The following NFIL3 variants were observed in gnomAD, a reference collection of about 807,000 sequenced individuals.
The protein encoded by NFIL3 is nuclear factor, interleukin 3 regulated.
NFIL3 carries 5 observed loss-of-function variants against 10.0 expected under a neutral mutation model. The ratio of observed to expected loss-of-function variants is 0.50; its 90% CI spans 0.26 to 1.06. The LOEUF (loss-of-function observed/expected upper bound fraction) is 1.06. Ranked by LOEUF, NFIL3 falls within the 50% of genes least tolerant of loss-of-function variation. The pLI is 0.13. For synonymous variants in NFIL3, 202 were observed against 206.5 expected (o/e 0.98, Z 0.19); for missense variants, 436 against 547.6 (o/e 0.80, Z 2.03).
At chr9:91,467,470 T>C in the NFIL3 span, among the ~76,000 whole-genome samples, 5 of 152,302 alleles carry the variant, frequency 3.3e-5, no homozygotes, top group East Asian at 7.7e-4. Flanking sequence ...TAACCATGTA[T>C]ACTGCAGCCT....
upstream of NFIL3, among the ~76,000 whole-genome samples, chr9:91,428,112 A>T (rs562432630): frequency 6.6e-6 from 1 of 152,306 alleles, no homozygotes; most frequent in South Asian, 2.1e-4. Context: ...ATTTCTTTCC[A>T]CCACTCATGC....
intron 1 of NFIL3, among the ~76,000 whole-genome samples, chr9:91,423,061 A>C (rs1471138868): frequency 6.6e-6 from 1 of 152,184 alleles, no homozygotes; most frequent in Non-Finnish European, 1.5e-5. Context: ...CGCTGACGAC[A>C]AACAGGGTGG....
At chr9:91,424,755 G>C (rs756096932), upstream of NFIL3, among the ~76,000 whole-genome samples, 2 of 152,252 alleles carry the variant, frequency 1.3e-5, no homozygotes, top group South Asian at 4.1e-4. Flanking sequence ...CCGCGCTCGG[G>C]TGCCCCCGCT....
chr9:91,413,696 T>C (rs1156727620), intron 1 of NFIL3, among the ~76,000 whole-genome samples: 1 of 152,168 alleles, frequency 6.6e-6, no homozygotes, highest in East Asian at 1.9e-4. Context: ...GTAAAATGAG[T>C]GGAGAAGTAA....
chr9:91,478,931 G>C, the NFIL3 span, among the ~76,000 whole-genome samples: 1 of 152,116 alleles, frequency 6.6e-6, no homozygotes, highest in South Asian at 2.1e-4. Context: ...GAGTTTGCTG[G>C]AGGTCCACTC....
At chr9:91,443,155 C>A in the NFIL3 span, among the ~76,000 whole-genome samples, 1 of 152,134 alleles carries the variant, frequency 6.6e-6, no homozygotes, top group Non-Finnish European at 1.5e-5. Flanking sequence ...GGCAGGTCAT[C>A]CTGATGTCTG....
the NFIL3 span, among the ~76,000 whole-genome samples, chr9:91,463,553 T>C: frequency 6.6e-6 from 1 of 152,166 alleles, no homozygotes; most frequent in African/African-American, 2.4e-5. Context: ...CTAGTTTAGT[T>C]CCATTGCAGT....
the NFIL3 span, among the ~76,000 whole-genome samples, chr9:91,475,603 T>A: frequency 6.6e-6 from 1 of 152,020 alleles, no homozygotes. Flanking sequence ...AAAAAAAGAT[T>A]AATACAAAAA....
chr9:91,443,631 C>G, the NFIL3 span, among the ~76,000 whole-genome samples: 7 of 152,252 alleles, frequency 4.6e-5, no homozygotes, highest in Non-Finnish European at 7.3e-5. Context: ...TTTGCTCCAC[C>G]CCAGAGTGGG....
rs1342142371 is a variant in NFIL3, at chr9:91,415,693, T to C, written c.-172-4787A>G. Among the ~76,000 whole-genome samples the C allele has an allele frequency of 2.6e-5, 4 of 152,108 alleles. No individual in the cohort carries two copies. The East Asian group carries it at 7.7e-4, about 29-fold the overall frequency. ...CCCAGGCTGGAGTGCAATGGCGCGA[T>C]CTTGGCTCACCACAACTTCCACCTC... On this transcript the variant is annotated intron_variant, in intron 1 of 1. Coordinates refer to ENST00000297689, the MANE Select transcript of NFIL3 (RefSeq NM_005384.3).
the NFIL3 span, among the ~76,000 whole-genome samples, chr9:91,456,140 C>T: frequency 2.6e-5 from 4 of 152,160 alleles, no homozygotes; most frequent in African/African-American, 9.6e-5. Flanking sequence ...TATTATTCCA[C>T]TGTATGGATA....
At chr9:91,456,698 G>C in the NFIL3 span, among the ~76,000 whole-genome samples, 1 of 152,008 alleles carries the variant, frequency 6.6e-6, no homozygotes, top group Non-Finnish European at 1.5e-5. Context: ...TCTGAATTTT[G>C]ATAAAGTCTA....
At chr9:91,452,567 G>A in the NFIL3 span, among the ~76,000 whole-genome samples, 49 of 152,194 alleles carry the variant, frequency 3.2e-4, no homozygotes, top group Admixed American at 1.6e-3. Flanking sequence ...CTGAGGTCAG[G>A]AGTTCGAGAC....
At chr9:91,436,384 C>T in the NFIL3 span, among the ~76,000 whole-genome samples, 2 of 152,066 alleles carry the variant, frequency 1.3e-5, no homozygotes, top group Non-Finnish European at 2.9e-5. Context: ...AGAGACCATC[C>T]CGGCTAACAC....
At chr9:91,412,119 AAAAAC>A (rs1375328960) in intron 1 of NFIL3, among the ~76,000 whole-genome samples, 3 of 150,516 alleles carry the variant, frequency 2.0e-5, no homozygotes, top group Non-Finnish European at 3.0e-5. Flanking sequence ...AAAAAAAAAA[AAAAAC>A]CCCACACAAA....
chr9:91,456,986 A>G, the NFIL3 span, among the ~76,000 whole-genome samples: 1 of 152,036 alleles, frequency 6.6e-6, no homozygotes, highest in East Asian at 1.9e-4. Context: ...TGAAAAAACT[A>G]TATTTTAATC....
At chr9:91,435,518 G>A in the NFIL3 span, among the ~76,000 whole-genome samples, 54 of 152,252 alleles carry the variant, frequency 3.5e-4, 1 homozygote, top group South Asian at 8.3e-4. Flanking sequence ...ATTTCATCAT[G>A]GTCCTCATGA....
the NFIL3 span, among the ~76,000 whole-genome samples, chr9:91,439,442 G>T: frequency 6.6e-6 from 1 of 151,956 alleles, no homozygotes; most frequent in Non-Finnish European, 1.5e-5. Flanking sequence ...ATACATATAG[G>T]ATTGTACAAT....
chr9:91,438,079 T>G, the NFIL3 span, among the ~76,000 whole-genome samples: 5 of 152,276 alleles, frequency 3.3e-5, no homozygotes, highest in South Asian at 1.0e-3. Context: ...TTTTGGAAAC[T>G]TTCATATTGG....
Sources: allele counts gnomAD v4.1 joint callset (sites outside exome capture counted in the v4.1 genomes callset), GRCh38; gene constraint gnomAD v4.1.1; transcripts MANE v1.5; gene names NCBI Gene and HGNC (gene_info 2026-07-23, HGNC 2026-07-21).